Variants in MKLN1 observed in about 807,000 individuals in gnomAD.
MKLN1 encodes muskelin 1.
A neutral mutation model predicts 99.0 loss-of-function variants in MKLN1; 18 were observed. The observed-to-expected ratio is 0.18, with a 90% CI of 0.13 to 0.27. The LOEUF (loss-of-function observed/expected upper bound fraction) is 0.27. Among genes scored for constraint, MKLN1 ranks in the 10% least tolerant of loss-of-function variants. MKLN1 has a pLI of 1.00. For missense variants in MKLN1, 621 were observed against 875.9 expected, an observed-to-expected ratio of 0.71 and a Z score of 3.67; for synonymous variants, 288 against 293.2, an observed-to-expected ratio of 0.98 and a Z score of 0.18.
intron 3 of MKLN1, among the ~76,000 whole-genome samples, chr7:131,283,303 TTCCCTCCCTCCC>T (rs148306928): frequency 4.0e-5 from 5 of 126,154 alleles, no homozygotes; most frequent in African/African-American, 1.4e-4. Flanking sequence ...GAGAAGGCCC[TTCCCTCCCTCCC>T]TCCCTCCCTC....
chr7:131,397,229 A>T, intron 4 of MKLN1, 38 bp from the exon 5 acceptor site: 1 of 1,294,544 alleles, frequency 7.7e-7, no homozygotes, highest in Non-Finnish European at 1.1e-6. Flanking sequence ...GAACTGTGTT[A>T]ATATTTTTCT....
At chr7:131,231,167 A>G (rs1016082474) in intron 3 of MKLN1, among the ~76,000 whole-genome samples, 2 of 147,430 alleles carry the variant, frequency 1.4e-5, no homozygotes, top group African/African-American at 4.9e-5. Flanking sequence ...TGGGCCTGGC[A>G]GGGCAGGAGA....
At chr7:131,170,182 A>G (rs917912861) in intron 2 of MKLN1, among the ~76,000 whole-genome samples, 1 of 152,190 alleles carries the variant, frequency 6.6e-6, no homozygotes, top group Non-Finnish European at 1.5e-5. Flanking sequence ...ATAGCTAACA[A>G]TTTTGAGAAT....
chr7:131,129,736 G>A (rs1036902333), intron 1 of MKLN1, among the ~76,000 whole-genome samples: 1 of 152,098 alleles, frequency 6.6e-6, no homozygotes, highest in Admixed American at 6.6e-5. Flanking sequence ...ACCATACCCT[G>A]TGAATTTTTT....
rs1797476502 is a variant in MKLN1, at chr7:131,493,480, G to C, written c.*5752G>C. 1 of 152,136 alleles carries C rather than the reference G, an allele frequency of 6.6e-6. No individual in the cohort carries two copies. Among genetic ancestry groups the C allele is most frequent in the Non-Finnish European group, 1.5e-5 (1 of 68,010 alleles). 9.4% of individuals were successfully genotyped at this position (152,136 alleles called of 1,614,324 possible). On this transcript the variant is annotated 3_prime_UTR_variant, in exon 18 of 18. Coordinates refer to ENST00000352689, the MANE Select transcript of MKLN1 (RefSeq NM_013255.5). ...ATGCTGGGAAGAAGACTACCAAAAG[G>C]CCTCAAAGCTCATGCTTCTAGAATA...
intron 2 of MKLN1, among the ~76,000 whole-genome samples, chr7:131,155,721 T>G (rs1384110091): frequency 1.3e-5 from 2 of 152,204 alleles, no homozygotes; most frequent in Non-Finnish European, 2.9e-5. Context: ...CCTAACCCCT[T>G]CATTTTATAC....
At chr7:131,406,541 T>A (rs1794713235) in intron 6 of MKLN1, among the ~76,000 whole-genome samples, 1 of 152,040 alleles carries the variant, frequency 6.6e-6, no homozygotes, top group Non-Finnish European at 1.5e-5. Flanking sequence ...TATACAGCAA[T>A]TGTTCATTAA....
intron 1 of MKLN1, among the ~76,000 whole-genome samples, chr7:131,119,873 T>G (rs1032911323): frequency 2.6e-5 from 4 of 152,186 alleles, no homozygotes; most frequent in African/African-American, 9.6e-5. Flanking sequence ...CAGCCTTAAA[T>G]TCCTCCTCAG....
At chr7:131,111,729 G>A (rs962015091) in intron 1 of MKLN1, among the ~76,000 whole-genome samples, 8 of 151,600 alleles carry the variant, frequency 5.3e-5, no homozygotes, top group Non-Finnish European at 5.9e-5. Flanking sequence ...AGACAAACTC[G>A]AGTAAAGAGT....
chr7:131,212,800 G>C (rs1226476305), intron 3 of MKLN1, among the ~76,000 whole-genome samples: 1 of 152,028 alleles, frequency 6.6e-6, no homozygotes, highest in Admixed American at 6.6e-5. Context: ...GTGCATGCCT[G>C]TAATCCCAGC....
At chr7:131,179,726 T>A (rs1054792992) in intron 2 of MKLN1, among the ~76,000 whole-genome samples, 5 of 151,594 alleles carry the variant, frequency 3.3e-5, no homozygotes, top group African/African-American at 1.2e-4. Flanking sequence ...AGGTGCATGC[T>A]GCCATGCCCA....
chr7:131,200,727 A>G (rs930365156), intron 2 of MKLN1, among the ~76,000 whole-genome samples: 1 of 152,170 alleles, frequency 6.6e-6, no homozygotes, highest in Non-Finnish European at 1.5e-5. Context: ...CTACCTGACC[A>G]TTTTTCCTGA....
At chr7:131,140,928 T>G (rs1478817248) in intron 1 of MKLN1, among the ~76,000 whole-genome samples, 1 of 152,072 alleles carries the variant, frequency 6.6e-6, no homozygotes, top group Non-Finnish European at 1.5e-5. Context: ...TATAGGCGCG[T>G]GCCACCATGC....
At chr7:131,448,702 A>C (rs1006795338) in intron 12 of MKLN1, among the ~76,000 whole-genome samples, 25 of 152,264 alleles carry the variant, frequency 1.6e-4, no homozygotes, top group African/African-American at 5.8e-4. Flanking sequence ...AGACAAATGG[A>C]TTCATTGTTT....
intron 1 of MKLN1, among the ~76,000 whole-genome samples, chr7:131,357,844 G>A (rs913530082): frequency 6.6e-6 from 1 of 152,000 alleles, no homozygotes; most frequent in Non-Finnish European, 1.5e-5. Flanking sequence ...TTGGAGAAAG[G>A]CATAAAAAAA....
In MKLN1 at chr7:131,347,947, G is replaced by A. The variant is rs1335594729; in HGVS notation, c.98+19950G>A. ...TTGGCTGGCATGTGAGGTAATCATA[G>A]TATAGTAACAAACTAATGGTTTGTG... On this transcript the variant is annotated intron_variant, in intron 1 of 17. Coordinates refer to ENST00000352689, the MANE Select transcript of MKLN1 (RefSeq NM_013255.5). 3.3e-5 allele frequency among the ~76,000 whole-genome samples: 5 copies of A among 152,178 alleles called. No homozygotes were observed. The East Asian group carries it at 7.7e-4, about 23-fold the overall frequency.
intron 9 of MKLN1, among the ~76,000 whole-genome samples, chr7:131,434,734 T>A (rs932619223): frequency 2.0e-5 from 3 of 152,140 alleles, no homozygotes; most frequent in South Asian, 2.1e-4. Context: ...TTAAATTATG[T>A]GTAGAGATAG....
intron 16 of MKLN1, 82 bp from the exon 17 acceptor site, chr7:131,478,541 A>G (rs937687162): frequency 7.3e-7 from 1 of 1,373,986 alleles, no homozygotes; most frequent in Admixed American, 2.9e-5. Flanking sequence ...TAAATGGTCA[A>G]AGTTATAGAA....
chr7:131,348,800 A>G lies in MKLN1; in HGVS notation c.98+20803A>G, dbSNP rs574432378. Among the ~76,000 whole-genome samples, 6 of 152,338 alleles carry G rather than the reference A, an allele frequency of 3.9e-5. No individual in the cohort carries two copies. In the South Asian group the frequency reaches 1.2e-3, roughly 32 times the overall value. ...AGCTGGATCTGATGCAAAGGAAAAC[A>G]TGAAAGAATTGAGACAGTATGGTAT... On this transcript the variant is annotated intron_variant, in intron 1 of 17. Coordinates refer to ENST00000352689, the MANE Select transcript of MKLN1 (RefSeq NM_013255.5).
Sources: gnomAD v4.1 joint callset for allele counts (sites outside exome capture counted in the v4.1 genomes callset) on GRCh38, gnomAD v4.1.1 for gene constraint, MANE v1.5 for transcripts, NCBI Gene and HGNC (gene_info 2026-07-23, HGNC 2026-07-21) for gene names.